SORCS3: variants seen among roughly 807,000 people sequenced by gnomAD.
SORCS3 encodes sortilin related VPS10 domain containing receptor 3, also known as VPS10 domain-containing receptor SorCS3.
Under a neutral mutation model 146.3 loss-of-function variants are expected in SORCS3, and 57 were observed. The observed-to-expected ratio is 0.39, with a 90% confidence interval of 0.31 to 0.49. SORCS3 has a LOEUF of 0.49. Ranked by LOEUF, SORCS3 falls within the 20% of genes least tolerant of loss-of-function variation. The probability of loss-of-function intolerance (pLI) is 0.92; values close to 1 mark genes in which losing one functional copy is unlikely to be tolerated. For synonymous variants in SORCS3, 653 were observed against 618.5 expected (o/e 1.06, Z -0.83); for missense variants, 1,341 against 1,575.5 (o/e 0.85, Z 2.52).
intron 2 of SORCS3, among the ~76,000 whole-genome samples, chr10:104,843,310 A>C (rs886300679): frequency 1.3e-5 from 2 of 152,134 alleles, no homozygotes; most frequent in African/African-American, 4.8e-5. Context: ...TACACATGGG[A>C]AGAGATACAG....
At chr10:104,656,708 G>A (rs533437037) in intron 1 of SORCS3, among the ~76,000 whole-genome samples, 5 of 152,214 alleles carry the variant, frequency 3.3e-5, no homozygotes, top group South Asian at 4.2e-4. Context: ...GGTGAGCCAT[G>A]AAAAGGTTTA....
At chr10:105,025,019 T>C (rs949391176) in intron 4 of SORCS3, among the ~76,000 whole-genome samples, 1 of 152,152 alleles carries the variant, frequency 6.6e-6, no homozygotes, top group African/African-American at 2.4e-5. Flanking sequence ...CCGGGAGAAC[T>C]AAGGAAAAGG....
At chr10:105,139,303 C>A in intron 7 of SORCS3, 94 bp from the exon 8 acceptor site, 1 of 903,196 alleles carries the variant, frequency 1.1e-6, no homozygotes, top group Non-Finnish European at 1.8e-6. Context: ...TAATTACAAA[C>A]CCATTGTGGT....
intron 14 of SORCS3, among the ~76,000 whole-genome samples, chr10:105,195,324 G>A (rs965764131): frequency 3.3e-5 from 5 of 152,006 alleles, no homozygotes; most frequent in African/African-American, 4.8e-5. Context: ...AATTAGAAGC[G>A]GTCTGGGCTT....
At chr10:104,696,768 T>TTATATACGTATATATAATATATAA (rs2016221290) in intron 1 of SORCS3, among the ~76,000 whole-genome samples, 1 of 118,024 alleles carries the variant, frequency 8.5e-6, no homozygotes, top group African/African-American at 3.4e-5. Context: ...ATAATATATA[T>TTATATACGTATATATAATATATAA]AATATATATA....
chr10:105,122,921 G>T (rs1239874213), intron 7 of SORCS3, among the ~76,000 whole-genome samples: 1 of 152,198 alleles, frequency 6.6e-6, no homozygotes, highest in Non-Finnish European at 1.5e-5. Context: ...GAAGGGAGTT[G>T]GCGTTCCTGG....
At chr10:104,695,013 G>A (rs548743380) in intron 1 of SORCS3, among the ~76,000 whole-genome samples, 2 of 152,134 alleles carry the variant, frequency 1.3e-5, no homozygotes, top group Non-Finnish European at 2.9e-5. Flanking sequence ...ATCAGGGCTC[G>A]ATAAATTTCA....
chr10:105,132,283 A>G (rs2056024967), intron 7 of SORCS3, among the ~76,000 whole-genome samples: 1 of 152,188 alleles, frequency 6.6e-6, no homozygotes, highest in South Asian at 2.1e-4. Flanking sequence ...TTTACCATGT[A>G]TGGTACTGGT....
At chr10:104,815,632 C>T (rs892639447) in intron 1 of SORCS3, among the ~76,000 whole-genome samples, 2 of 151,748 alleles carry the variant, frequency 1.3e-5, no homozygotes, top group Non-Finnish European at 1.5e-5. Context: ...GGAAATGCAC[C>T]CATGTGCATT....
chr10:105,217,169 A>T, intron 19 of SORCS3, 47 bp downstream of exon 19: 5 of 1,598,316 alleles, frequency 3.1e-6, no homozygotes, highest in Non-Finnish European at 4.3e-6. Flanking sequence ...CCCAGTTGGC[A>T]ACTTGCTCTG....
chr10:105,128,735 A>G (rs2055994056), intron 7 of SORCS3, among the ~76,000 whole-genome samples: 1 of 152,166 alleles, frequency 6.6e-6, no homozygotes, highest in East Asian at 1.9e-4. Flanking sequence ...TAGGATGGGA[A>G]TTTATGGATC....
At position 105,200,146 on chromosome 10, in the gene SORCS3, C is replaced by G. The variant is rs372821127; in HGVS notation, c.2127+30C>G. 6.4e-6 allele frequency: 10 copies of G among 1,560,398 alleles called. No individual in the cohort carries two copies. The African/African-American group carries it at 1.4e-4, about 21-fold the overall frequency. On this transcript the variant is annotated intron_variant, in intron 15 of 26. Coordinates refer to ENST00000369701, the MANE Select transcript of SORCS3 (RefSeq NM_014978.3). ...ACACCCCAGGGAGTTGGAGTGCTGGCTTTGAGGAGGAGGAGCTAGTGCAAG... is the reference window on the plus strand; with the variant it reads ...ACACCCCAGGGAGTTGGAGTGCTGGGTTTGAGGAGGAGGAGCTAGTGCAAG...
intron 2 of SORCS3, among the ~76,000 whole-genome samples, chr10:104,914,830 C>T (rs144249802): frequency 4.6e-4 from 70 of 152,248 alleles, no homozygotes; most frequent in Middle Eastern, 3.4e-3. Context: ...GAGATTGTGG[C>T]GGATTTCAGG....
At chr10:104,704,249 C>T (rs1371736842) in intron 1 of SORCS3, among the ~76,000 whole-genome samples, 2 of 151,424 alleles carry the variant, frequency 1.3e-5, no homozygotes, top group African/African-American at 4.9e-5. Context: ...CTTAGTGCAG[C>T]CTTGACTTCC....
At chr10:104,679,646 G>A (rs2015948927) in intron 1 of SORCS3, among the ~76,000 whole-genome samples, 1 of 152,172 alleles carries the variant, frequency 6.6e-6, no homozygotes, top group African/African-American at 2.4e-5. Flanking sequence ...GACTTGGATG[G>A]CCTTCTAAGT....
At chr10:104,825,467 G>C (rs901058212) in intron 1 of SORCS3, among the ~76,000 whole-genome samples, 9 of 152,154 alleles carry the variant, frequency 5.9e-5, no homozygotes, top group Admixed American at 1.3e-4. Context: ...ATTTTCATTT[G>C]TGTTAATGAT....
At chr10:105,256,794 T>C (rs1210892236) in intron 24 of SORCS3, 25 bp from the exon 25 acceptor site, 2 of 1,587,136 alleles carry the variant, frequency 1.3e-6, no homozygotes, top group Admixed American at 1.7e-5. Flanking sequence ...ATCTGTTCTT[T>C]TCCTTATCTG....
intron 4 of SORCS3, among the ~76,000 whole-genome samples, chr10:105,026,408 G>A (rs1226675666): frequency 2.0e-5 from 3 of 152,184 alleles, no homozygotes; most frequent in Non-Finnish European, 4.4e-5. Context: ...AAATGCATCA[G>A]TAGACTTCCC....
chr10:105,197,279 T>C (rs761532304), intron 14 of SORCS3, among the ~76,000 whole-genome samples: 4 of 152,226 alleles, frequency 2.6e-5, no homozygotes, highest in Non-Finnish European at 5.9e-5. Flanking sequence ...TCTTCAGTGG[T>C]CCTTAAACTT....
Sources: gnomAD v4.1 joint callset for allele counts (sites outside exome capture counted in the v4.1 genomes callset) on GRCh38, gnomAD v4.1.1 for gene constraint, MANE v1.5 for transcripts, NCBI Gene and HGNC (gene_info 2026-07-23, HGNC 2026-07-21) for gene names.